AKAP5: variants seen among roughly 807,000 people sequenced by gnomAD.
AKAP5 encodes the protein A-kinase anchoring protein 5, also known as A-kinase anchor protein 5.
AKAP5 carries 5 observed loss-of-function variants against 13.8 expected under a neutral mutation model. That is an observed-to-expected ratio of 0.36 (90% CI 0.19 to 0.76). AKAP5 has a LOEUF of 0.76. Ranked by LOEUF, AKAP5 falls within the 30% of genes least tolerant of loss-of-function variation. AKAP5 has a pLI of 0.51. For missense variants in AKAP5, 406 were observed against 484.4 expected (o/e 0.84, Z 1.52); for synonymous variants, 148 against 167.2 (o/e 0.89, Z 0.89).
At chr14:64,467,809 C>T (rs1364224378) in intron 1 of AKAP5, 1 of 152,146 alleles carries the variant, frequency 6.6e-6, no homozygotes. Context: ...TCCTGCACTT[C>T]ATTTTTGGTT....
rs1473517316 is a variant in AKAP5 at position 64,468,134 on chromosome 14, T to G, written c.-261T>G. On this transcript the variant is annotated splice_region_variant and 5_prime_UTR_variant, in exon 2 of 2. Coordinates refer to ENST00000394718, the MANE Select transcript of AKAP5 (RefSeq NM_004857.3). ...ACCACTTTCTTTTCTCTCATCAGGT[T>G]GATCTTTAAATAAAGCAAAAATTTA... 1 of 246,170 alleles carries G rather than the reference T, an allele frequency of 4.1e-6. No homozygotes were observed. Among genetic ancestry groups the G allele is most frequent in the East Asian group, 8.2e-5 (1 of 12,244 alleles). The allele number at this position is 246,170 out of a possible 1,614,324, so 15.2% of individuals were successfully genotyped here.
chr14:64,474,406 A>C lies in AKAP5; in HGVS notation c.*4728A>C, dbSNP rs543851251. The C allele has an allele frequency of 3.1e-4, 52 of 167,226 alleles. No individual in the cohort carries two copies. Among genetic ancestry groups the C allele is most frequent in the African/African-American group, 1.2e-3 (50 of 41,584 alleles). The allele number at this position is 167,226 out of a possible 1,614,324, so 10.4% of individuals were successfully genotyped here. ...AATTAGTACTAAATTACTATGGATCAGATGATAATATTAAATAGTACTCTG... is the reference window on the plus strand; with the variant it reads ...AATTAGTACTAAATTACTATGGATCCGATGATAATATTAAATAGTACTCTG... On this transcript the variant is annotated 3_prime_UTR_variant, in exon 2 of 2. Coordinates refer to ENST00000394718, the MANE Select transcript of AKAP5 (RefSeq NM_004857.3).
At position 64,472,456 on chromosome 14, in the gene AKAP5, A is replaced by C. The variant is rs2078683040; in HGVS notation, c.*2778A>C. 1 of 167,030 alleles carries C rather than the reference A, an allele frequency of 6.0e-6. No individual in the cohort carries two copies. The highest frequency in any genetic ancestry group is 1.5e-5 in the Non-Finnish European group (1 of 68,122). The allele number at this position is 167,030 out of a possible 1,614,324, so 10.3% of individuals were successfully genotyped here. A position where few individuals can be genotyped will look rare whatever the true frequency, so the allele number is the denominator to read the frequency against. On this transcript the variant is annotated 3_prime_UTR_variant, in exon 2 of 2. Coordinates refer to ENST00000394718, the MANE Select transcript of AKAP5 (RefSeq NM_004857.3). ...GTGCAATGAATTTTTTGGTTAAGAAAGTAAAATTTTATCTAATACTAGGTT... is the reference window on the plus strand; with the variant it reads ...GTGCAATGAATTTTTTGGTTAAGAACGTAAAATTTTATCTAATACTAGGTT...
intron 1 of AKAP5, chr14:64,467,097 A>G (rs1566586228): frequency 6.6e-6 from 1 of 152,242 alleles, no homozygotes; most frequent in Non-Finnish European, 1.5e-5. Flanking sequence ...ACCATTAATC[A>G]ATTTTTTAAT....
At position 64,468,776 on chromosome 14, in the gene AKAP5, C is replaced by G; in HGVS notation, c.382C>G (p.Pro128Ala). ...KKKAKSRLKI[P>A]CIKFPRGPKR... ...AAAGGCAAAATCTAGACTTAAGATT[C>G]CCTGCATAAAATTCCCAAGAGGGCC... Residue 128 changes from proline to alanine, a missense_variant, in exon 2 of 2, where the codon CCC (proline) becomes GCC (alanine). Transcript: ENST00000394718. The G allele has an allele frequency of 6.2e-7, 1 of 1,614,176 alleles. No individual in the cohort carries two copies. The highest frequency in any genetic ancestry group is 8.5e-7 in the Non-Finnish European group (1 of 1,180,030).
rs2078663287 is a variant in AKAP5 at position 64,470,906 on chromosome 14, A to T, written c.*1228A>T. ...GAGCCATATTCATCAACTTCTCTCC[A>T]AAGAGGGGAGAGTAGATTCAAAGCC... On this transcript the variant is annotated 3_prime_UTR_variant, in exon 2 of 2. Transcript: ENST00000394718. 1 of 167,034 alleles carries T rather than the reference A, an allele frequency of 6.0e-6. No homozygotes were observed. Among genetic ancestry groups the T allele is most frequent in the African/African-American group, 2.4e-5 (1 of 41,442 alleles). The allele number at this position is 167,034 out of a possible 1,614,324, so 10.3% of individuals were successfully genotyped here. A position where few individuals can be genotyped will look rare whatever the true frequency, so the allele number is the denominator to read the frequency against.
At chr14:64,467,320 GA>G (rs1235385871) in intron 1 of AKAP5, 2 of 152,202 alleles carry the variant, frequency 1.3e-5, no homozygotes, top group African/African-American at 2.4e-5. Flanking sequence ...GAGGATTAGA[GA>G]TGTATGTAAA....
Position 64,469,021 on chromosome 14 carries a change from G to A in AKAP5, c.627G>A (p.Val209=). ...VSNSTTSGEK[V]ISVELGLDNG... ...ATAGCACAACTTCTGGAGAGAAAGT[G>A]ATTTCAGTAGAACTTGGATTAGATA... Residue 209 remains valine, a synonymous_variant, in exon 2 of 2, where the codon GTG becomes GTA. Transcript: ENST00000394718. 1 of 1,614,208 alleles carries A rather than the reference G, an allele frequency of 6.2e-7. No individual in the cohort carries two copies. Among genetic ancestry groups the A allele is most frequent in the Non-Finnish European group, 8.5e-7 (1 of 1,180,026 alleles).
chr14:64,469,026 C>T lies in AKAP5; in HGVS notation c.632C>T (p.Ser211Leu). The change falls in exon 2 of 2, where the codon TCA (serine) becomes TTA (leucine). Residue 211 changes from serine (S) to leucine (L), a missense_variant. By Grantham distance (145) the Ser-to-Leu change is moderately radical. Coordinates refer to ENST00000394718, the MANE Select transcript of AKAP5 (RefSeq NM_004857.3). ...ACAACTTCTGGAGAGAAAGTGATTT[C>T]AGTAGAACTTGGATTAGATAATGGG... ...NSTTSGEKVI[S>L]VELGLDNGHS... The T allele has an allele frequency of 1.2e-6, 2 of 1,614,188 alleles. No homozygotes were observed. The highest frequency in any genetic ancestry group is 2.2e-5 in the South Asian group (2 of 91,090).
rs2078634160 is a variant in AKAP5, at chr14:64,468,450, C to G, written c.56C>G (p.Ala19Gly). 1 of 1,613,810 alleles carries G rather than the reference C, an allele frequency of 6.2e-7. No individual in the cohort carries two copies. The highest frequency in any genetic ancestry group is 1.3e-5 in the African/African-American group (1 of 74,908). Residue 19 changes from alanine (A) to glycine (G), a missense_variant, in exon 2 of 2, where the codon GCA (alanine) becomes GGA (glycine). Physicochemically the swap from Ala to Gly is moderately conservative, Grantham distance 60 (BLOSUM62 0). Transcript: ENST00000394718. ...HVENKDEKRS[A>G]EGSPGAERQK... Reference sequence around the variant, plus strand: ...GAAAACAAGGATGAGAAGAGATCAGCAGAAGGTAGTCCTGGGGCTGAAAGG... The same window carrying G: ...GAAAACAAGGATGAGAAGAGATCAGGAGAAGGTAGTCCTGGGGCTGAAAGG...
At position 64,468,941 on chromosome 14, in the gene AKAP5, A is replaced by G; in HGVS notation, c.547A>G (p.Ser183Gly). Residue 183 changes from serine (S) to glycine (G), a missense_variant, in exon 2 of 2, where the codon AGT (serine) becomes GGT (glycine). Ser to Gly is a moderately conservative substitution (Grantham distance 56, BLOSUM62 0). Coordinates refer to ENST00000394718, the MANE Select transcript of AKAP5 (RefSeq NM_004857.3). ...ATKAKSTQDL[S>G]EGISRKDGDE... The stretch of plus-strand genomic sequence containing the variant: ...AAAGGCTAAGTCAACCCAGGATCTA[A>G]GTGAAGGCATCTCACGGAAAGATGG... The G allele has an allele frequency of 6.2e-7, 1 of 1,614,240 alleles. No homozygotes were observed. Among genetic ancestry groups the G allele is most frequent in the Non-Finnish European group, 8.5e-7 (1 of 1,180,042 alleles).
Position 64,469,608 on chromosome 14 carries a change from A to G in AKAP5, c.1214A>G (p.Gln405Arg). 2 of 1,611,754 alleles carry G rather than the reference A, an allele frequency of 1.2e-6. No homozygotes were observed. Among genetic ancestry groups the G allele is most frequent in the Non-Finnish European group, 1.7e-6 (2 of 1,179,396 alleles). ...TCTTCTCTAGTCAAGAATGCTATTC[A>G]GTTGTCAATAGAACAGCTGGTTAAT... ...TASSLVKNAI[Q>R]LSIEQLVNEM... The change falls in exon 2 of 2, where the codon CAG (glutamine) becomes CGG (arginine). Residue 405 changes from glutamine to arginine, a missense_variant. Transcript: ENST00000394718.
At position 64,470,965 on chromosome 14, in the gene AKAP5, A is replaced by C. The variant is rs1179983068; in HGVS notation, c.*1287A>C. ...AGTAATGGTCCTGGAAAATCCTAAT[A>C]ATCTAGTGCAAATATTTATTCTCGG... is the stretch of plus-strand genomic sequence containing the variant. On this transcript the variant is annotated 3_prime_UTR_variant, in exon 2 of 2. Transcript: ENST00000394718. The C allele has an allele frequency of 6.0e-6, 1 of 167,064 alleles. No homozygotes were observed. The highest frequency in any genetic ancestry group is 1.9e-4 in the East Asian group (1 of 5,194). The allele number at this position is 167,064 out of a possible 1,614,324, so 10.3% of individuals were successfully genotyped here.
At position 64,470,429 on chromosome 14, in the gene AKAP5, A is replaced by C. The variant is rs2078656881; in HGVS notation, c.*751A>C. On this transcript the variant is annotated 3_prime_UTR_variant, in exon 2 of 2. Coordinates refer to ENST00000394718, the MANE Select transcript of AKAP5 (RefSeq NM_004857.3). Reference sequence around the variant, plus strand: ...ATGTGGTGAAACCCCATCTCTACTGAAAATACAAAAATTAGCTGGGCGTGG... The same window carrying C: ...ATGTGGTGAAACCCCATCTCTACTGCAAATACAAAAATTAGCTGGGCGTGG... 6.3e-6 allele frequency: 1 copy of C among 159,188 alleles called. No homozygotes were observed. Among genetic ancestry groups the C allele is most frequent in the Admixed American group, 6.6e-5 (1 of 15,264 alleles). The allele number at this position is 159,188 out of a possible 1,614,324, so 9.9% of individuals were successfully genotyped here.
Position 64,469,005 on chromosome 14 carries a change from C to T in AKAP5, c.611C>T (p.Thr204Ile). The change falls in exon 2 of 2, where the codon ACT (threonine) becomes ATT (isoleucine). Residue 204 changes from threonine to isoleucine, a missense_variant. Physicochemically the swap from Thr to Ile is moderately conservative, Grantham distance 89. Transcript: ENST00000394718. ...GAATCAAATGTGAGCAATAGCACAA[C>T]TTCTGGAGAGAAAGTGATTTCAGTA... ...VCESNVSNST[T>I]SGEKVISVEL... 6.2e-7 allele frequency: 1 copy of T among 1,614,190 alleles called. No homozygotes were observed. Among genetic ancestry groups the T allele is most frequent in the Non-Finnish European group, 8.5e-7 (1 of 1,180,022 alleles).
intron 1 of AKAP5, chr14:64,467,186 G>A (rs776919108): frequency 6.6e-6 from 1 of 152,158 alleles, no homozygotes; most frequent in Non-Finnish European, 1.5e-5. Context: ...CCCAGTTTCA[G>A]AACATAAGCT....
At chr14:64,466,155 A>G (rs1370858128) in intron 1 of AKAP5, among the ~76,000 whole-genome samples, 2 of 152,178 alleles carry the variant, frequency 1.3e-5, no homozygotes, top group Non-Finnish European at 2.9e-5. Context: ...TTTCTGTGAC[A>G]TGAGACTTGC....
In AKAP5 at chr14:64,469,785, A is replaced by T; in HGVS notation, c.*107A>T. On this transcript the variant is annotated 3_prime_UTR_variant, in exon 2 of 2. Coordinates refer to ENST00000394718, the MANE Select transcript of AKAP5 (RefSeq NM_004857.3). Reference sequence around the variant, plus strand: ...CAAATGAGAGATTTATCATCTCTAGAACTTAAAAGGTACAATTCCAGCGCA... The same window carrying T: ...CAAATGAGAGATTTATCATCTCTAGTACTTAAAAGGTACAATTCCAGCGCA... 1 of 832,380 alleles carries T rather than the reference A, an allele frequency of 1.2e-6. No homozygotes were observed. The highest frequency in any genetic ancestry group is 1.7e-5 in the African/African-American group (1 of 57,424). 51.6% of individuals were successfully genotyped at this position (832,380 alleles called of 1,614,324 possible).
Position 64,469,305 on chromosome 14 carries a change from C to T in AKAP5, c.911C>T (p.Thr304Ile). 6.2e-7 allele frequency: 1 copy of T among 1,613,118 alleles called. No individual in the cohort carries two copies. The highest frequency in any genetic ancestry group is 8.5e-7 in the Non-Finnish European group (1 of 1,179,848). The part of the protein sequence containing the change: ...YESTEIVAEE[T>I]KPKDTELSQE... The stretch of plus-strand genomic sequence containing the variant: ...AGTACAGAGATTGTAGCTGAAGAAA[C>T]TAAGCCAAAAGATACTGAATTGAGC... Residue 304 changes from threonine to isoleucine, a missense_variant, in exon 2 of 2, where the codon ACT becomes ATT. By Grantham distance (89) the Thr-to-Ile change is moderately conservative. Transcript: ENST00000394718.
Sources: gnomAD v4.1 joint callset for allele counts (sites outside exome capture counted in the v4.1 genomes callset) on GRCh38, gnomAD v4.1.1 for gene constraint, MANE v1.5 for transcripts, NCBI Gene and HGNC (gene_info 2026-07-23, HGNC 2026-07-21) for gene names.